PALM: variants seen among roughly 807,000 people sequenced by gnomAD.
PALM encodes the protein paralemmin-1.
A neutral mutation model predicts 30.7 loss-of-function variants in PALM; 18 were observed. The ratio of observed to expected loss-of-function variants is 0.59; its 90% CI spans 0.41 to 0.87. The LOEUF (loss-of-function observed/expected upper bound fraction) is 0.87. PALM is among the 40% of genes least tolerant of loss of function. The probability of loss-of-function intolerance (pLI) is 0.00; values close to 1 mark genes in which losing one functional copy is unlikely to be tolerated. For synonymous variants in PALM, 286 were observed against 242.8 expected (o/e 1.18, Z -1.66); for missense variants, 529 against 555.4 (o/e 0.95, Z 0.48).
intron 1 of PALM, chr19:722,947 C>G (rs868326880): frequency 2.6e-5 from 4 of 152,458 alleles, no homozygotes; most frequent in South Asian, 2.1e-4. Flanking sequence ...CCGGTGGGGT[C>G]ACCTCTGGGG....
At chr19:745,256 C>T (rs566883023) in intron 8 of PALM, among the ~76,000 whole-genome samples, 23 of 152,318 alleles carry the variant, frequency 1.5e-4, no homozygotes, top group Non-Finnish European at 2.8e-4. Context: ...AAACAGGCCC[C>T]GATGCGGGGA....
intron 1 of PALM, among the ~76,000 whole-genome samples, chr19:714,649 C>T (rs1167452061): frequency 3.3e-5 from 5 of 151,922 alleles, no homozygotes; most frequent in Non-Finnish European, 5.9e-5. Flanking sequence ...TGAGCCACCG[C>T]GCCCAGCCTT....
chr19:725,004 C>T (rs1385953289), intron 1 of PALM, among the ~76,000 whole-genome samples: 1 of 151,556 alleles, frequency 6.6e-6, no homozygotes, highest in Non-Finnish European at 1.5e-5. Flanking sequence ...ACTGCAGCCT[C>T]GACCTCCCGG....
Position 747,951 on chromosome 19 carries a change from C to T in PALM, c.*1137C>T, listed in dbSNP as rs1255775607. 1 of 152,636 alleles carries T rather than the reference C, an allele frequency of 6.6e-6. No individual in the cohort carries two copies. Among genetic ancestry groups the T allele is most frequent in the Non-Finnish European group, 1.5e-5 (1 of 68,070 alleles). The allele number at this position is 152,636 out of a possible 1,614,324, so 9.5% of individuals were successfully genotyped here. The stretch of plus-strand genomic sequence containing the variant: ...ACATTCTCACAGACACCGTCTCACA[C>T]GTTGGCTTTGGACAACCAGGCCCCA... On this transcript the variant is annotated 3_prime_UTR_variant, in exon 9 of 9. Transcript: ENST00000338448.
intron 4 of PALM, among the ~76,000 whole-genome samples, chr19:729,386 C>T (rs931934853): frequency 3.3e-5 from 5 of 150,732 alleles, no homozygotes; most frequent in East Asian, 1.9e-4. Context: ...TGGAATGAGC[C>T]GAGTGTTACC....
At chr19:714,358 C>A (rs985064884) in intron 1 of PALM, among the ~76,000 whole-genome samples, 1 of 104,592 alleles carries the variant, frequency 9.6e-6, no homozygotes, top group African/African-American at 3.6e-5. Flanking sequence ...TTTTTTCTTT[C>A]TTTTTTTTTT....
At chr19:712,109 G>A (rs1478890702) in intron 1 of PALM, among the ~76,000 whole-genome samples, 5 of 151,732 alleles carry the variant, frequency 3.3e-5, no homozygotes, top group Non-Finnish European at 7.4e-5. Context: ...TGCAACCTCC[G>A]CCTCCCGGGT....
At chr19:737,775 C>G (rs1213413062) in intron 7 of PALM, among the ~76,000 whole-genome samples, 2 of 151,942 alleles carry the variant, frequency 1.3e-5, no homozygotes, top group Non-Finnish European at 2.9e-5. Flanking sequence ...GTGGCTGGAG[C>G]AGCGTGAGGA....
intron 1 of PALM, among the ~76,000 whole-genome samples, chr19:710,651 GC>G (rs763250940): frequency 0.12 from 13,222 of 113,994 alleles, 283 homozygotes; most frequent in Middle Eastern, 0.14. Flanking sequence ...AGGAGCTGCT[GC>G]CCCCCCCCCA....
chr19:717,842 C>G (rs2032316392), intron 1 of PALM, among the ~76,000 whole-genome samples: 1 of 152,102 alleles, frequency 6.6e-6, no homozygotes, highest in Admixed American at 6.6e-5. Flanking sequence ...TATTGAGCAC[C>G]TGCTGTATGC....
chr19:716,188 G>C (rs2283581), intron 1 of PALM, among the ~76,000 whole-genome samples: 68,557 of 151,916 alleles, frequency 0.45, 15,635 homozygotes, highest in Middle Eastern at 0.47. Context: ...GAGGCGGGCA[G>C]ATCACCTGAG....
chr19:727,066 G>A lies in PALM; in HGVS notation c.116G>A (p.Arg39Gln), dbSNP rs2032690970. 15 of 1,531,888 alleles carry A rather than the reference G, an allele frequency of 9.8e-6. No homozygotes were observed. The highest frequency in any genetic ancestry group is 2.0e-5 in the Admixed American group (1 of 50,350). The allele number at this position is 1,531,888 out of a possible 1,614,324, so 94.9% of individuals were successfully genotyped here. The change falls in exon 3 of 9, where the codon CGG (arginine) becomes CAG (glutamine). Residue 39 changes from arginine (R) to glutamine (Q), a missense_variant. Transcript: ENST00000338448. ...ENKRRQLEDE[R>Q]RQLQHLKSKA... is the part of the protein sequence containing the mutation. The stretch of plus-strand genomic sequence containing the variant: ...AAGCGCCGGCAGCTGGAGGACGAGC[G>A]GAGGCAGCTGCAGCACCTGAAGGTA...
At chr19:727,252 C>CCCTGACCCCAA (rs1459879895) in intron 3 of PALM, among the ~76,000 whole-genome samples, 164 bp downstream of exon 3, 1 of 143,228 alleles carries the variant, frequency 7.0e-6, no homozygotes, top group Non-Finnish European at 1.5e-5. Flanking sequence ...CCGACCCCGA[C>CCCTGACCCCAA]CCTGACCCCA....
chr19:723,441 G>A (rs946754779), intron 1 of PALM, among the ~76,000 whole-genome samples: 1 of 151,926 alleles, frequency 6.6e-6, no homozygotes, highest in African/African-American at 2.4e-5. Context: ...TGTTGATGCC[G>A]CCCAGAGCTT....
At chr19:723,514 T>C (rs1439721367) in intron 1 of PALM, among the ~76,000 whole-genome samples, 1 of 152,138 alleles carries the variant, frequency 6.6e-6, no homozygotes, top group Non-Finnish European at 1.5e-5. Context: ...CTTGGAAGCC[T>C]GAGGGTCGCT....
intron 6 of PALM, 36 bp downstream of exon 6, chr19:734,230 G>A (rs750021569): frequency 8.7e-6 from 14 of 1,605,124 alleles, no homozygotes; most frequent in African/African-American, 4.0e-5. Context: ...GGGCCTCGGC[G>A]CACTCTGGTG....
At chr19:738,225 T>TA (rs1396150701) in intron 7 of PALM, among the ~76,000 whole-genome samples, 1 of 151,888 alleles carries the variant, frequency 6.6e-6, no homozygotes, top group African/African-American at 2.4e-5. Context: ...ACCCCGTCTC[T>TA]ACTAAAAAAT....
chr19:740,846 T>C (rs184056380), intron 8 of PALM, among the ~76,000 whole-genome samples: 17 of 152,186 alleles, frequency 1.1e-4, no homozygotes, highest in African/African-American at 4.1e-4. Context: ...GTTTAAATAA[T>C]TACTGCTAGC....
chr19:746,356 A>T lies in PALM; in HGVS notation c.706A>T (p.Ile236Phe). 1 of 1,612,850 alleles carries T rather than the reference A, an allele frequency of 6.2e-7. No individual in the cohort carries two copies. The highest frequency in any genetic ancestry group is 8.5e-7 in the Non-Finnish European group (1 of 1,179,278). ...GAGCTCCTCCGAGGTGGACGAACTC[A>T]TCCACAAAGCGGACGAGGTCACGCT... Reference protein sequence around the residue: ...PLSSSEVDELIHKADEVTLSE... With the variant: ...PLSSSEVDELFHKADEVTLSE... Residue 236 changes from isoleucine (I) to phenylalanine (F), a missense_variant, in exon 9 of 9, where the codon ATC becomes TTC. By Grantham distance (21) the Ile-to-Phe change is conservative. Transcript: ENST00000338448. This position sits in a 1 kb window ranked among gnomAD's most constrained non-coding sequence, Gnocchi z 7.1.
Sources: allele counts gnomAD v4.1 joint callset (sites outside exome capture counted in the v4.1 genomes callset), GRCh38; gene constraint gnomAD v4.1.1; non-coding constraint Gnocchi (gnomAD v3.1); transcripts MANE v1.5; gene names NCBI Gene and HGNC (gene_info 2026-07-23, HGNC 2026-07-21).